MYO18B: variants seen among roughly 807,000 people sequenced by gnomAD.
MYO18B encodes unconventional myosin-XVIIIb.
Under a neutral mutation model 273.0 loss-of-function variants are expected in MYO18B, and 204 were observed. The observed-to-expected ratio is 0.75, with a 90% CI of 0.67 to 0.84. The LOEUF (loss-of-function observed/expected upper bound fraction) is 0.84, where lower values mean the gene tolerates loss of function less well. MYO18B is among the 40% of genes least tolerant of loss of function. The pLI, the probability that MYO18B is intolerant of heterozygous loss-of-function variation, is 0.00. For missense variants in MYO18B, 3,212 were observed against 3,287.6 expected (o/e 0.98, Z 0.56); for synonymous variants, 1,330 against 1,305.7 (o/e 1.02, Z -0.40).
At chr22:25,998,668 C>A (rs1344824507) in intron 40 of MYO18B, among the ~76,000 whole-genome samples, 1 of 152,228 alleles carries the variant, frequency 6.6e-6, no homozygotes, top group Non-Finnish European at 1.5e-5. Context: ...TCTGTCCAAA[C>A]TGTAAAGTTT....
At chr22:25,989,077 TC>T (rs1425940002) in intron 39 of MYO18B, among the ~76,000 whole-genome samples, 1 of 152,136 alleles carries the variant, frequency 6.6e-6, no homozygotes. Context: ...TCCAGGAAGC[TC>T]CCTGAGGATG....
At chr22:26,036,263 A>C in the MYO18B span, among the ~76,000 whole-genome samples, 1 of 152,190 alleles carries the variant, frequency 6.6e-6, no homozygotes, top group African/African-American at 2.4e-5. Flanking sequence ...CAATATAGGC[A>C]GCTCCCTTCA....
chr22:26,041,855 C>T, the MYO18B span, among the ~76,000 whole-genome samples: 13,850 of 152,252 alleles, frequency 0.091, 698 homozygotes, highest in Middle Eastern at 0.17. Context: ...TGTGTCACAA[C>T]CTGGCAGATG....
chr22:25,855,285 C>CTT (rs150338635), intron 21 of MYO18B, among the ~76,000 whole-genome samples: 18,152 of 132,112 alleles, frequency 0.14, 2,064 homozygotes, highest in African/African-American at 0.28. Context: ...TTATCTCATT[C>CTT]TTTTTTTTTT....
At chr22:25,889,555 C>CT (rs11399837) in intron 25 of MYO18B, among the ~76,000 whole-genome samples, 42,588 of 145,838 alleles carry the variant, frequency 0.29, 6,266 homozygotes, top group Admixed American at 0.41. Context: ...CTACCTCTTT[C>CT]TTTTTTTTTT....
At position 26,026,785 on chromosome 22, in the gene MYO18B, G is replaced by A; in HGVS notation, c.6811G>A (p.Gly2271Ser). 2 of 1,605,130 alleles carry A rather than the reference G, an allele frequency of 1.2e-6. No homozygotes were observed. The highest frequency in any genetic ancestry group is 2.2e-5 in the South Asian group (2 of 89,920). Residue 2271 changes from glycine (G) to serine (S), a missense_variant, in exon 43 of 44, where the codon GGC (glycine) becomes AGC (serine). Physicochemically the swap from Gly to Ser is moderately conservative, Grantham distance 56. Coordinates refer to ENST00000335473, the MANE Select transcript of MYO18B (RefSeq NM_032608.7). Reference protein sequence around the residue: ...RAQRGQGSTLGLEDWPTLPIY... With the variant: ...RAQRGQGSTLSLEDWPTLPIY... ...CCAGAGAGGCCAGGGGTCCACGCTG[G>A]GCCTAGAGGACTGGCCCACTCTCCC... is the stretch of plus-strand genomic sequence containing the variant.
chr22:26,062,359 G>T, the MYO18B span, among the ~76,000 whole-genome samples: 24 of 152,166 alleles, frequency 1.6e-4, no homozygotes, highest in Non-Finnish European at 2.4e-4. Flanking sequence ...GGGAGAACTT[G>T]TTCTTTCTTT....
intron 11 of MYO18B, among the ~76,000 whole-genome samples, chr22:25,792,147 G>A (rs2087689224): frequency 6.6e-6 from 1 of 152,132 alleles, no homozygotes; most frequent in Non-Finnish European, 1.5e-5. Flanking sequence ...CAAGGATTGG[G>A]GGCTCAGTGA....
downstream of MYO18B, among the ~76,000 whole-genome samples, chr22:26,033,792 C>A: frequency 7.7e-6 from 1 of 130,074 alleles, no homozygotes; most frequent in South Asian, 2.3e-4. Flanking sequence ...CTTTTTCTGT[C>A]TCTCCTTCCT....
intron 27 of MYO18B, among the ~76,000 whole-genome samples, chr22:25,893,962 C>T (rs759876999): frequency 1.3e-5 from 2 of 152,174 alleles, no homozygotes; most frequent in African/African-American, 2.4e-5. Flanking sequence ...CATTATTCCA[C>T]CTATCCAACC....
intron 28 of MYO18B, chr22:25,896,929 C>T (rs1354970018): frequency 6.6e-6 from 1 of 152,364 alleles, no homozygotes; most frequent in African/African-American, 2.4e-5. Context: ...GACTCTGGCA[C>T]ACCACTGATT....
Position 25,910,514 on chromosome 22 carries a change from AAAATCTC to A in MYO18B, c.5260-427_5260-421del, listed in dbSNP as rs1221078250. Among the ~76,000 whole-genome samples, 3 of 152,220 alleles carry A rather than the reference AAAATCTC, an allele frequency of 2.0e-5. No individual in the cohort carries two copies. In the East Asian group the frequency reaches 5.8e-4, roughly 29 times the overall value. ...GGACACATATAGTTTATAACACCAA[AAAATCTC>A]AAATGCAACTTTTTTACTGCATCAT... On this transcript the variant is annotated intron_variant, in intron 32 of 43. Transcript: ENST00000335473.
intron 43 of MYO18B, among the ~76,000 whole-genome samples, chr22:26,028,887 C>CA (rs554144546): frequency 0.12 from 9,005 of 74,808 alleles, 470 homozygotes; most frequent in East Asian, 0.25. Context: ...GACTCCGTCT[C>CA]AAAAAAAAAA....
At chr22:25,920,421 T>G (rs915685174) in intron 33 of MYO18B, among the ~76,000 whole-genome samples, 1 of 152,210 alleles carries the variant, frequency 6.6e-6, no homozygotes, top group African/African-American at 2.4e-5. Context: ...TCTTCTGTTT[T>G]GGCTTAACCT....
At chr22:26,015,225 T>A (rs1189134863) in intron 42 of MYO18B, among the ~76,000 whole-genome samples, 1 of 152,216 alleles carries the variant, frequency 6.6e-6, no homozygotes, top group Non-Finnish European at 1.5e-5. Flanking sequence ...TCTTGACTAT[T>A]GTAGAAAACA....
intron 12 of MYO18B, among the ~76,000 whole-genome samples, chr22:25,799,117 T>G (rs2088063170): frequency 7.4e-6 from 1 of 134,730 alleles, no homozygotes; most frequent in African/African-American, 2.8e-5. Context: ...TATCACCTTA[T>G]GCGGTGTTTA....
chr22:25,901,736 A>C (rs1200573080), intron 29 of MYO18B, among the ~76,000 whole-genome samples: 1 of 151,916 alleles, frequency 6.6e-6, no homozygotes, highest in Non-Finnish European at 1.5e-5. Flanking sequence ...TTGGAAGTCA[A>C]ATGGGGCCTG....
At chr22:25,799,481 G>C (rs1000174691) in intron 12 of MYO18B, among the ~76,000 whole-genome samples, 1 of 152,142 alleles carries the variant, frequency 6.6e-6, no homozygotes, top group South Asian at 2.1e-4. Context: ...ACTTTGTCTA[G>C]CTCTTATCAG....
intron 19 of MYO18B, 38 bp downstream of exon 19, chr22:25,846,321 A>G (rs760790725): frequency 1.9e-6 from 3 of 1,601,506 alleles, no homozygotes; most frequent in South Asian, 1.1e-5. Flanking sequence ...CCTGGCCTTC[A>G]CTGCCTCCAT....
Sources: allele counts gnomAD v4.1 joint callset (sites outside exome capture counted in the v4.1 genomes callset), GRCh38; gene constraint gnomAD v4.1.1; transcripts MANE v1.5; gene names NCBI Gene and HGNC (gene_info 2026-07-23, HGNC 2026-07-21).